SLC38A8: variants seen among roughly 807,000 people sequenced by gnomAD.
SLC38A8 encodes solute carrier family 38 member 8, also known as amino acid transporter SLC38A8.
Under a neutral mutation model 46.0 loss-of-function variants are expected in SLC38A8, and 65 were observed. That is an observed-to-expected ratio of 1.41 (90% CI 1.16 to 1.74). SLC38A8 has a LOEUF of 1.74. SLC38A8 is among the 40% of genes most tolerant of loss of function. The pLI, the probability that SLC38A8 is intolerant of heterozygous loss-of-function variation, is 0.00. For synonymous variants in SLC38A8, 447 were observed against 243.7 expected, an observed-to-expected ratio of 1.83 and a Z score of -7.77; for missense variants, 998 against 567.9, an observed-to-expected ratio of 1.76 and a Z score of -7.70.
chr16:84,036,070 C>T (rs1163662153), intron 3 of SLC38A8, among the ~76,000 whole-genome samples: 2 of 152,190 alleles, frequency 1.3e-5, no homozygotes, highest in Non-Finnish European at 2.9e-5. Context: ...TCTCAAAAGA[C>T]AGCAATGATA....
chr16:84,038,073 G>A (rs1457500709), intron 2 of SLC38A8, among the ~76,000 whole-genome samples: 2 of 152,076 alleles, frequency 1.3e-5, no homozygotes, highest in East Asian at 1.9e-4. Context: ...CACTTCGGGA[G>A]GCCAAGGCGG....
In SLC38A8 at chr16:84,016,440, A is replaced by G; in HGVS notation, c.1162+79T>C. On this transcript the variant is annotated intron_variant, in intron 9 of 10. Coordinates refer to ENST00000299709, the MANE Select transcript of SLC38A8 (RefSeq NM_001080442.3). ...GTGGCTCCCACCTTCCAGAACCTTG[A>G]CCTCCAACACTGGGAGTCCCCACAG... 6 of 1,512,380 alleles carry G rather than the reference A, an allele frequency of 4.0e-6. No homozygotes were observed. In the South Asian group the frequency reaches 7.6e-5, roughly 19 times the overall value. The allele number at this position is 1,512,380 out of a possible 1,614,324, so 93.7% of individuals were successfully genotyped here. A position where few individuals can be genotyped will look rare whatever the true frequency, so the allele number is the denominator to read the frequency against.
At chr16:84,012,365 G>T (rs867637276) in intron 10 of SLC38A8, among the ~76,000 whole-genome samples, 5 of 152,178 alleles carry the variant, frequency 3.3e-5, no homozygotes, top group Non-Finnish European at 7.3e-5. Flanking sequence ...AGGTCCGCTC[G>T]GGGATAAATA....
rs186456962 is a variant in SLC38A8 at position 84,026,693 on chromosome 16, C to T, written c.690+2801G>A. 1.4e-4 allele frequency among the ~76,000 whole-genome samples: 21 copies of T among 152,296 alleles called. No homozygotes were observed. In the East Asian group the frequency reaches 1.7e-3, roughly 13 times the overall value. ...GCCCATCAAAGGACAGGGGATAAAG[C>T]GCAGCTTATCCACACAATGGAATAT... On this transcript the variant is annotated intron_variant, in intron 6 of 10. Transcript: ENST00000299709.
At chr16:84,032,941 T>A (rs1424234430) in intron 4 of SLC38A8, among the ~76,000 whole-genome samples, 1 of 61,176 alleles carries the variant, frequency 1.6e-5, no homozygotes, top group Non-Finnish European at 2.9e-5. Context: ...TGGGTGTGCA[T>A]GGGTGGGTGT....
At chr16:84,033,565 C>A (rs991556430) in intron 3 of SLC38A8, 96 bp from the exon 4 acceptor site, 2 of 1,382,730 alleles carry the variant, frequency 1.4e-6, no homozygotes, top group Non-Finnish European at 1.9e-6. Context: ...GGTTGGACAT[C>A]CACCCTCAGC....
chr16:84,038,377 G>A (rs917899323), intron 2 of SLC38A8, among the ~76,000 whole-genome samples: 2 of 151,650 alleles, frequency 1.3e-5, no homozygotes, highest in African/African-American at 4.8e-5. Context: ...CCTGTGGGCA[G>A]CCACCCGACT....
intron 6 of SLC38A8, among the ~76,000 whole-genome samples, chr16:84,024,491 T>G (rs994472810): frequency 2.6e-4 from 39 of 152,016 alleles, no homozygotes; most frequent in African/African-American, 8.0e-4. Context: ...GATAAGAATT[T>G]TAAACGCAGG....
intron 3 of SLC38A8, among the ~76,000 whole-genome samples, chr16:84,035,712 G>A (rs921920267): frequency 1.3e-5 from 2 of 152,210 alleles, no homozygotes; most frequent in Non-Finnish European, 2.9e-5. Flanking sequence ...TCTATTAATG[G>A]TAGAGAAGAC....
chr16:84,030,154 G>A (rs1179812842), intron 5 of SLC38A8, among the ~76,000 whole-genome samples: 1 of 152,134 alleles, frequency 6.6e-6, no homozygotes, highest in African/African-American at 2.4e-5. Context: ...ATGGTGTGAG[G>A]ATGAAGGCCA....
rs759634523 is a variant in SLC38A8 at position 84,022,772 on chromosome 16, T to C, written c.805+3A>G. 9.3e-6 allele frequency: 15 copies of C among 1,613,360 alleles called. No individual in the cohort carries two copies. The highest frequency in any genetic ancestry group is 6.7e-5 in the Admixed American group (4 of 59,990). On this transcript the variant is annotated splice_donor_region_variant and intron_variant, in intron 7 of 10. Coordinates refer to ENST00000299709, the MANE Select transcript of SLC38A8 (RefSeq NM_001080442.3). ...CTGCAGGGGTGCCTGGGAAGGGCCT[T>C]ACCCGTCAGTGAATAGATGAGGCAG...
intron 5 of SLC38A8, among the ~76,000 whole-genome samples, chr16:84,031,491 T>C (rs2085237442): frequency 6.6e-6 from 1 of 152,216 alleles, no homozygotes; most frequent in African/African-American, 2.4e-5. Flanking sequence ...TCTGCCCTTG[T>C]TCCGGCTGGC....
At chr16:84,017,641 G>T (rs1195432563) in intron 7 of SLC38A8, among the ~76,000 whole-genome samples, 1 of 152,180 alleles carries the variant, frequency 6.6e-6, no homozygotes, top group Non-Finnish European at 1.5e-5. Context: ...GACATCTAAA[G>T]AAAGCAGCTA....
intron 5 of SLC38A8, among the ~76,000 whole-genome samples, chr16:84,029,895 G>A (rs533182666): frequency 1.3e-5 from 2 of 152,180 alleles, no homozygotes; most frequent in Non-Finnish European, 1.5e-5. Flanking sequence ...GGCACCCAGA[G>A]CATCCACCCA....
chr16:84,031,898 C>G lies in SLC38A8; in HGVS notation c.601G>C (p.Gly201Arg), dbSNP rs998296559. Reference sequence around the variant, plus strand: ...GAAGGATGGGACTCACGCACGAGGCCCTGGGGCCAGAGGTAGTACTGCACG... The same window carrying G: ...GAAGGATGGGACTCACGCACGAGGCGCTGGGGCCAGAGGTAGTACTGCACG... ...ITVQYYLWPQ[G>R]LVRESHPSLS... Residue 201 changes from glycine to arginine, a missense_variant, in exon 5 of 11, where the codon GGC (glycine) becomes CGC (arginine). By Grantham distance (125) the Gly-to-Arg change is moderately radical. Transcript: ENST00000299709. 5 of 1,614,052 alleles carry G rather than the reference C, an allele frequency of 3.1e-6. No homozygotes were observed. In the African/African-American group the frequency reaches 5.3e-5, roughly 17 times the overall value.
intron 1 of SLC38A8, 23 bp from the exon 2 acceptor site, chr16:84,042,182 G>A (rs1356658397): frequency 1.3e-6 from 2 of 1,592,058 alleles, no homozygotes; most frequent in Non-Finnish European, 1.7e-6. Context: ...GAGGGGTGGA[G>A]AGAAAGCACA....
At position 84,041,960 on chromosome 16, in the gene SLC38A8, G is replaced by A. The variant is rs1324862491; in HGVS notation, c.189+9C>T. 5 of 1,572,962 alleles carry A rather than the reference G, an allele frequency of 3.2e-6. No homozygotes were observed. The highest frequency in any genetic ancestry group is 1.2e-5 in the South Asian group (1 of 85,890). On this transcript the variant is annotated intron_variant, in intron 2 of 10. Transcript: ENST00000299709. ...ACCCGTCCCCAGGACTCACTTCCCG[G>A]GGACTTACCAGCTCCACCAGGAAGG...
chr16:84,037,527 G>A (rs1262597479), intron 2 of SLC38A8, among the ~76,000 whole-genome samples: 1 of 152,092 alleles, frequency 6.6e-6, no homozygotes, highest in Non-Finnish European at 1.5e-5. Context: ...TCTGGAGACC[G>A]AGGTAGGCGG....
At position 84,036,621 on chromosome 16, in the gene SLC38A8, C is replaced by T. The variant is rs957210597; in HGVS notation, c.388+81G>A. On this transcript the variant is annotated intron_variant, in intron 3 of 10. Coordinates refer to ENST00000299709, the MANE Select transcript of SLC38A8 (RefSeq NM_001080442.3). ...CCTCAGGGCCCAGGCCAGGGCCCCACGTCCTGCTCAACTGGAAACTCCAAG... is the reference window on the plus strand; with the variant it reads ...CCTCAGGGCCCAGGCCAGGGCCCCATGTCCTGCTCAACTGGAAACTCCAAG... 3.3e-4 allele frequency: 497 copies of T among 1,510,720 alleles called. 1 individual carries two copies. The highest frequency in any genetic ancestry group is 2.3e-3 in the East Asian group (98 of 41,946). 93.6% of individuals were successfully genotyped at this position (1,510,720 alleles called of 1,614,324 possible).
Sources: allele counts gnomAD v4.1 joint callset (sites outside exome capture counted in the v4.1 genomes callset), GRCh38; gene constraint gnomAD v4.1.1; transcripts MANE v1.5; gene names NCBI Gene and HGNC (gene_info 2026-07-23, HGNC 2026-07-21).